ASAP1: variants seen among roughly 807,000 people sequenced by gnomAD.
The protein encoded by ASAP1 is arf-GAP with SH3 domain, ANK repeat and PH domain-containing protein 1.
A neutral mutation model predicts 145.2 loss-of-function variants in ASAP1; 43 were observed. The observed-to-expected ratio is 0.30, with a 90% CI of 0.23 to 0.38. The LOEUF is 0.38. Among genes scored for constraint, ASAP1 ranks in the 10% least tolerant of loss-of-function variants. The probability of loss-of-function intolerance (pLI) is 1.00; values close to 1 mark genes in which losing one functional copy is unlikely to be tolerated. For missense variants in ASAP1, 1,018 were observed against 1,355.3 expected, an observed-to-expected ratio of 0.75 and a Z score of 3.91; for synonymous variants, 546 against 515.5, an observed-to-expected ratio of 1.06 and a Z score of -0.80.
chr8:130,369,631 A>C (rs1827120227), intron 2 of ASAP1, among the ~76,000 whole-genome samples: 1 of 152,216 alleles, frequency 6.6e-6, no homozygotes, highest in African/African-American at 2.4e-5. Context: ...GCTGAACATC[A>C]CTAAACATTA....
chr8:130,066,332 T>C (rs949498107), intron 27 of ASAP1, among the ~76,000 whole-genome samples: 2 of 152,202 alleles, frequency 1.3e-5, no homozygotes, highest in African/African-American at 4.8e-5. Flanking sequence ...CTATCAGTTA[T>C]AGCACAGCCC....
chr8:130,189,501 C>A (rs745562071), intron 5 of ASAP1, among the ~76,000 whole-genome samples: 3 of 152,128 alleles, frequency 2.0e-5, no homozygotes, highest in Non-Finnish European at 2.9e-5. Flanking sequence ...TTTTTTATGG[C>A]TGAATAATAT....
At chr8:130,214,812 C>A (rs1816796113) in intron 4 of ASAP1, 111 bp from the exon 5 acceptor site, 1 of 917,322 alleles carries the variant, frequency 1.1e-6, no homozygotes, top group Non-Finnish European at 1.6e-6. Context: ...TAAACTGTAT[C>A]AATTATTTAT....
intron 1 of ASAP1, among the ~76,000 whole-genome samples, chr8:130,442,977 C>A (rs946329741): frequency 6.6e-6 from 1 of 152,130 alleles, no homozygotes; most frequent in Non-Finnish European, 1.5e-5. Context: ...TTGCTTTAGG[C>A]AAGTGGCCTG....
At chr8:130,075,300 C>G (rs1259571013) in intron 27 of ASAP1, among the ~76,000 whole-genome samples, 1 of 152,212 alleles carries the variant, frequency 6.6e-6, no homozygotes, top group East Asian at 1.9e-4. Flanking sequence ...GAAAGTGAAT[C>G]AGCAGTCATT....
At chr8:130,120,800 T>G (rs2097564573) in intron 18 of ASAP1, among the ~76,000 whole-genome samples, 1 of 152,232 alleles carries the variant, frequency 6.6e-6, no homozygotes, top group African/African-American at 2.4e-5. Flanking sequence ...CTAGGCACAA[T>G]GCCTTCAACT....
intron 4 of ASAP1, among the ~76,000 whole-genome samples, chr8:130,225,459 T>G (rs1228563417): frequency 6.6e-6 from 1 of 152,234 alleles, no homozygotes; most frequent in Non-Finnish European, 1.5e-5. Context: ...TTTTATTCAC[T>G]TCAATATTTA....
At chr8:130,260,432 G>C (rs544472651) in intron 3 of ASAP1, among the ~76,000 whole-genome samples, 7 of 152,286 alleles carry the variant, frequency 4.6e-5, no homozygotes, top group African/African-American at 1.2e-4. Flanking sequence ...GACTAACAGA[G>C]CTGGTAAGAC....
intron 4 of ASAP1, among the ~76,000 whole-genome samples, chr8:130,233,658 T>C (rs1366625475): frequency 6.6e-6 from 1 of 152,216 alleles, no homozygotes; most frequent in Non-Finnish European, 1.5e-5. Flanking sequence ...CTTTGCACTT[T>C]GTAAGCTTTC....
At chr8:130,400,117 G>T (rs865995800) in intron 2 of ASAP1, among the ~76,000 whole-genome samples, 1 of 152,134 alleles carries the variant, frequency 6.6e-6, no homozygotes, top group Non-Finnish European at 1.5e-5. Flanking sequence ...ATCGCGCCTG[G>T]CCGAAAGCCG....
At position 130,358,175 on chromosome 8, in the gene ASAP1, G is replaced by A. The variant is rs755275862; in HGVS notation, c.60-32C>T. Reference sequence around the variant, plus strand: ...GGAGGGACGAGACACAAGCGGGGGCGGGGGGTGAGTCACGGCGCAGGCTCC... The same window carrying A: ...GGAGGGACGAGACACAAGCGGGGGCAGGGGGTGAGTCACGGCGCAGGCTCC... On this transcript the variant is annotated intron_variant, in intron 2 of 29. Coordinates refer to ENST00000518721, the MANE Select transcript of ASAP1 (RefSeq NM_018482.4). The surrounding 1 kb of genome is among the most constrained non-coding windows in gnomAD (Gnocchi z 4.1). 9.5e-6 allele frequency: 15 copies of A among 1,571,160 alleles called. No homozygotes were observed. Among genetic ancestry groups the A allele is most frequent in the Non-Finnish European group, 4.3e-6 (5 of 1,159,808 alleles).
intron 2 of ASAP1, chr8:130,361,899 A>C: frequency 1.4e-6 from 1 of 702,042 alleles, no homozygotes; most frequent in Non-Finnish European, 2.6e-6. Flanking sequence ...ATTTGTGTGC[A>C]CCTGGCTTTA....
At chr8:130,110,203 G>A (rs2097544370) in intron 24 of ASAP1, among the ~76,000 whole-genome samples, 1 of 152,190 alleles carries the variant, frequency 6.6e-6, no homozygotes, top group Non-Finnish European at 1.5e-5. Context: ...AGAAGGGGGT[G>A]GAGGGAAATG....
intron 3 of ASAP1, among the ~76,000 whole-genome samples, chr8:130,327,212 C>T (rs1289153043): frequency 3.3e-5 from 5 of 152,206 alleles, no homozygotes; most frequent in Non-Finnish European, 7.3e-5. Flanking sequence ...TGTTGTGGCA[C>T]TATGTGAACA....
chr8:130,347,697 A>T (rs1193416696), intron 3 of ASAP1, among the ~76,000 whole-genome samples: 1 of 152,112 alleles, frequency 6.6e-6, no homozygotes, highest in East Asian at 1.9e-4. Context: ...TGGTCTCCTG[A>T]CCCAAGTGGA....
intron 4 of ASAP1, among the ~76,000 whole-genome samples, chr8:130,219,034 T>C (rs1042973117): frequency 2.6e-5 from 4 of 151,912 alleles, no homozygotes; most frequent in African/African-American, 9.7e-5. Context: ...CCTATGAAAA[T>C]AGAATGATAG....
At chr8:130,120,710 G>A (rs2097564460) in intron 18 of ASAP1, among the ~76,000 whole-genome samples, 3 of 152,186 alleles carry the variant, frequency 2.0e-5, no homozygotes, top group African/African-American at 7.2e-5. Context: ...AGGGTGCTCA[G>A]GTATCACATG....
intron 3 of ASAP1, among the ~76,000 whole-genome samples, chr8:130,304,992 C>T (rs1049391343): frequency 2.6e-5 from 4 of 151,462 alleles, no homozygotes; most frequent in South Asian, 2.1e-4. Context: ...CTTCCTCACA[C>T]GCTCTACACC....
intron 1 of ASAP1, among the ~76,000 whole-genome samples, chr8:130,403,340 T>C (rs1828882267): frequency 2.0e-5 from 3 of 151,922 alleles, no homozygotes; most frequent in Non-Finnish European, 4.4e-5. Flanking sequence ...ACTTAACAAT[T>C]GAGTGATATG....
Sources: allele counts gnomAD v4.1 joint callset (sites outside exome capture counted in the v4.1 genomes callset), GRCh38; gene constraint gnomAD v4.1.1; non-coding constraint Gnocchi (gnomAD v3.1); transcripts MANE v1.5; gene names NCBI Gene and HGNC (gene_info 2026-07-23, HGNC 2026-07-21).